Variants in NDUFB5 observed in about 807,000 individuals in gnomAD.
NDUFB5 encodes NADH dehydrogenase [ubiquinone] 1 beta subcomplex subunit 5, mitochondrial.
Under a neutral mutation model 19.4 loss-of-function variants are expected in NDUFB5, and 19 were observed. The observed-to-expected ratio is 0.98, with a 90% confidence interval of 0.68 to 1.43. The LOEUF (loss-of-function observed/expected upper bound fraction) is 1.43. Ranked by LOEUF, NDUFB5 falls within the 40% of genes most tolerant of loss-of-function variation. The probability of loss-of-function intolerance (pLI) is 0.00; values close to 1 mark genes in which losing one functional copy is unlikely to be tolerated. For missense variants in NDUFB5, 233 were observed against 236.5 expected (o/e 0.99, Z 0.10); for synonymous variants, 80 against 82.6 (o/e 0.97, Z 0.17).
At position 179,625,314 on chromosome 3, in the gene NDUFB5, C is replaced by A. The variant is rs1054508651; in HGVS notation, c.*1274C>A. ...TAAAAATAAAAATGAACCCAGGCTT[C>A]CTAAGATTCAGGCCAGTGGGTCTCC... On this transcript the variant is annotated 3_prime_UTR_variant, in exon 6 of 6. Coordinates refer to ENST00000259037, the MANE Select transcript of NDUFB5 (RefSeq NM_002492.4). 1 of 152,144 alleles carries A rather than the reference C, an allele frequency of 6.6e-6. No homozygotes were observed. Among genetic ancestry groups the A allele is most frequent in the Non-Finnish European group, 1.5e-5 (1 of 68,030 alleles). 9.4% of individuals were successfully genotyped at this position (152,144 alleles called of 1,614,324 possible). A position where few individuals can be genotyped will look rare whatever the true frequency, so the allele number is the denominator to read the frequency against.
chr3:179,618,558 T>C, intron 5 of NDUFB5, 37 bp downstream of exon 5: 5 of 1,388,878 alleles, frequency 3.6e-6, no homozygotes, highest in Non-Finnish European at 5.1e-6. Context: ...AAAGAAAATC[T>C]TCCTAAGGTA....
In NDUFB5 at chr3:179,611,762, T is replaced by C. The variant is rs7641623; in HGVS notation, c.125-3209T>C. ...CCCACATTATCTTATTCAATTCTTA[T>C]AAAAATCGCAATCATCAAAGGCTTA... is the stretch of plus-strand genomic sequence containing the variant. On this transcript the variant is annotated intron_variant, in intron 1 of 5. Coordinates refer to ENST00000259037, the MANE Select transcript of NDUFB5 (RefSeq NM_002492.4). Among the ~76,000 whole-genome samples, 198 of 152,248 alleles carry C rather than the reference T, an allele frequency of 1.3e-3. 3 individuals are homozygous for C. Among genetic ancestry groups the C allele is most frequent in the African/African-American group, 4.3e-3 (179 of 41,558 alleles).
intron 1 of NDUFB5, 102 bp downstream of exon 1, chr3:179,605,041 C>G (rs1261953527): frequency 2.1e-6 from 3 of 1,405,544 alleles, no homozygotes; most frequent in East Asian, 2.7e-5. Context: ...GGAGCCGGGA[C>G]AAGTTGTGGG....
chr3:179,622,041 C>T (rs1471215839), intron 5 of NDUFB5, among the ~76,000 whole-genome samples: 1 of 152,098 alleles, frequency 6.6e-6, no homozygotes, highest in Non-Finnish European at 1.5e-5. Context: ...AGTCATGGCT[C>T]ACTGCAGCCC....
chr3:179,606,724 A>T (rs1719112694), intron 1 of NDUFB5, among the ~76,000 whole-genome samples: 1 of 152,224 alleles, frequency 6.6e-6, no homozygotes, highest in African/African-American at 2.4e-5. Context: ...CCTGTGCAAT[A>T]GAAGCAGGTA....
intron 2 of NDUFB5, chr3:179,615,729 T>C: frequency 1.8e-6 from 1 of 565,012 alleles, no homozygotes; most frequent in Non-Finnish European, 3.2e-6. Flanking sequence ...CTTTTCTTGT[T>C]ATGACCAGCT....
In NDUFB5 at chr3:179,626,837, T is replaced by C. The variant is rs1239464406; in HGVS notation, c.*2797T>C. On this transcript the variant is annotated 3_prime_UTR_variant, in exon 6 of 6. Coordinates refer to ENST00000259037, the MANE Select transcript of NDUFB5 (RefSeq NM_002492.4). ...TGAGCCACTGCGCCCAGCCTGTCCA[T>C]TTTTTAATCAGGTTATGGGTTTTTT... 1 of 152,206 alleles carries C rather than the reference T, an allele frequency of 6.6e-6. No individual in the cohort carries two copies. The highest frequency in any genetic ancestry group is 1.5e-5 in the Non-Finnish European group (1 of 68,060). 9.4% of individuals were successfully genotyped at this position (152,206 alleles called of 1,614,324 possible). A position where few individuals can be genotyped will look rare whatever the true frequency, so the allele number is the denominator to read the frequency against.
chr3:179,625,915 T>C lies in NDUFB5; in HGVS notation c.*1875T>C, dbSNP rs898771326. ...TAATATTGTCCATACATACCACATT[T>C]TCTATATCCATTTATCTGTTGATGG... On this transcript the variant is annotated 3_prime_UTR_variant, in exon 6 of 6. Transcript: ENST00000259037. 1 of 152,216 alleles carries C rather than the reference T, an allele frequency of 6.6e-6. No individual in the cohort carries two copies. Among genetic ancestry groups the C allele is most frequent in the Non-Finnish European group, 1.5e-5 (1 of 68,052 alleles). The allele number at this position is 152,216 out of a possible 1,614,324, so 9.4% of individuals were successfully genotyped here.
intron 2 of NDUFB5, 87 bp downstream of exon 2, chr3:179,615,146 T>C: frequency 3.2e-6 from 2 of 629,834 alleles, no homozygotes; most frequent in Non-Finnish European, 5.5e-6. Context: ...TTTCATTTTA[T>C]GAAATATTTT....
chr3:179,609,412 A>G (rs1426551726), intron 1 of NDUFB5, among the ~76,000 whole-genome samples: 4 of 152,204 alleles, frequency 2.6e-5, no homozygotes, highest in African/African-American at 9.6e-5. Flanking sequence ...CTGCAGAGTC[A>G]GGGACTGGAG....
intron 1 of NDUFB5, among the ~76,000 whole-genome samples, chr3:179,614,002 A>G (rs1205462864): frequency 1.3e-5 from 2 of 152,202 alleles, no homozygotes; most frequent in East Asian, 1.9e-4. Flanking sequence ...TCTTTCTGAC[A>G]TCTATTATGA....
Position 179,614,970 on chromosome 3 carries a change from G to C in NDUFB5, c.125-1G>C. Reference sequence around the variant, plus strand: ...AAAACAGGGTAATTCAATATTCCCAGCTCCTGTTCGACACAGTGGAGACCA... The same window carrying C: ...AAAACAGGGTAATTCAATATTCCCACCTCCTGTTCGACACAGTGGAGACCA... On this transcript the variant is annotated splice_acceptor_variant, in intron 1 of 5. Transcript: ENST00000259037. LOFTEE classifies it high-confidence loss of function. The C allele has an allele frequency of 6.2e-7, 1 of 1,600,964 alleles. No homozygotes were observed. Among genetic ancestry groups the C allele is most frequent in the Non-Finnish European group, 8.5e-7 (1 of 1,170,180 alleles).
intron 5 of NDUFB5, among the ~76,000 whole-genome samples, chr3:179,620,386 G>GA (rs992421702): frequency 5.1e-4 from 78 of 151,458 alleles, no homozygotes; most frequent in Non-Finnish European, 4.3e-4. Flanking sequence ...AAGGTGTAAG[G>GA]AAGGGATCCA....
At chr3:179,621,970 T>G (rs570237081) in intron 5 of NDUFB5, among the ~76,000 whole-genome samples, 17 of 152,272 alleles carry the variant, frequency 1.1e-4, no homozygotes, top group African/African-American at 4.1e-4. Context: ...TCACCATGTC[T>G]TCCTTTTCTT....
Position 179,616,907 on chromosome 3 carries a change from TCTTA to T in NDUFB5, c.281-72_281-69del, listed in dbSNP as rs1166020745. 24 of 1,152,624 alleles carry T rather than the reference TCTTA, an allele frequency of 2.1e-5. No individual in the cohort carries two copies. The Admixed American group carries it at 4.5e-4, about 21-fold the overall frequency. The allele number at this position is 1,152,624 out of a possible 1,614,324, so 71.4% of individuals were successfully genotyped here. ...CCTTTAAAACCACAAGAAGTTGGTTTCTTACTTTAATGGTGAATAATTAATTTTA... is the reference window on the plus strand; with the variant it reads ...CCTTTAAAACCACAAGAAGTTGGTTTCTTTAATGGTGAATAATTAATTTTA... On this transcript the variant is annotated intron_variant, in intron 3 of 5. Transcript: ENST00000259037.
In NDUFB5 at chr3:179,618,513, T is replaced by C. The variant is rs201084001; in HGVS notation, c.441T>C (p.Ala147=). ...TCCTTCAGATTGAAGCTGAAAAGGC[T>C]GAATTACGGTAGGAAAAACGAGGGG... is the stretch of plus-strand genomic sequence containing the variant. ...MAVLQIEAEK[A]ELRVKELEVR... Residue 147 remains alanine (A), a synonymous_variant, in exon 5 of 6, where the codon GCT becomes GCC. Coordinates refer to ENST00000259037, the MANE Select transcript of NDUFB5 (RefSeq NM_002492.4). 18 of 1,608,966 alleles carry C rather than the reference T, an allele frequency of 1.1e-5. No homozygotes were observed. Among genetic ancestry groups the C allele is most frequent in the Non-Finnish European group, 1.5e-5 (18 of 1,177,270 alleles).
At chr3:179,623,695 A>T (rs892463077) in intron 5 of NDUFB5, among the ~76,000 whole-genome samples, 1 of 152,132 alleles carries the variant, frequency 6.6e-6, no homozygotes, top group Non-Finnish European at 1.5e-5. Flanking sequence ...AACAACAAAA[A>T]AACTGTTTGA....
intron 1 of NDUFB5, among the ~76,000 whole-genome samples, chr3:179,608,178 T>G (rs1323949787): frequency 5.5e-5 from 8 of 145,708 alleles, no homozygotes; most frequent in Admixed American, 2.1e-4. Context: ...AGGAAGAGAG[T>G]TTTTTTTTTG....
chr3:179,617,754 C>G (rs1276377346), intron 4 of NDUFB5, among the ~76,000 whole-genome samples: 2 of 152,120 alleles, frequency 1.3e-5, no homozygotes, highest in African/African-American at 4.8e-5. Flanking sequence ...TTATTATTCC[C>G]TCTTTGTAGA....
Sources: gnomAD v4.1 joint callset for allele counts (sites outside exome capture counted in the v4.1 genomes callset) on GRCh38, gnomAD v4.1.1 for gene constraint, MANE v1.5 for transcripts, NCBI Gene and HGNC (gene_info 2026-07-23, HGNC 2026-07-21) for gene names.